Variants in SHLD1 observed in about 807,000 individuals in gnomAD.
SHLD1 encodes the protein shieldin complex subunit 1.
Under a neutral mutation model 5.5 loss-of-function variants are expected in SHLD1, and 3 were observed. The observed-to-expected ratio is 0.54, with a 90% confidence interval of 0.25 to 1.40. The LOEUF (loss-of-function observed/expected upper bound fraction) is 1.40. Among genes scored for constraint, SHLD1 ranks in the 40% most tolerant of loss-of-function variants. The pLI is 0.15. For synonymous variants in SHLD1, 92 were observed against 94.3 expected (o/e 0.98, Z 0.14); for missense variants, 210 against 244.4 (o/e 0.86, Z 0.94).
Position 5,821,626 on chromosome 20 carries a change from G to T in SHLD1, c.179-41398G>T, listed in dbSNP as rs565244666. 4.6e-5 allele frequency among the ~76,000 whole-genome samples: 7 copies of T among 150,990 alleles called. No individual in the cohort carries two copies. The South Asian group carries it at 1.5e-3, about 31-fold the overall frequency. ...CAAATTTCTGGAAAACTCAAACATCGATCATATCAGAGTTTCTGAGGATCA... is the reference window on the plus strand; with the variant it reads ...CAAATTTCTGGAAAACTCAAACATCTATCATATCAGAGTTTCTGAGGATCA... On this transcript the variant is annotated intron_variant, in intron 2 of 2. Coordinates refer to ENST00000303142, the MANE Select transcript of SHLD1 (RefSeq NM_152504.4).
Position 5,864,076 on chromosome 20 carries a change from A to G in SHLD1, c.*613A>G, listed in dbSNP as rs754588726. 3.9e-5 allele frequency among the ~76,000 whole-genome samples: 6 copies of G among 152,218 alleles called. No homozygotes were observed. Among genetic ancestry groups the G allele is most frequent in the Non-Finnish European group, 8.8e-5 (6 of 68,042 alleles). On this transcript the variant is annotated 3_prime_UTR_variant, in exon 3 of 3. Transcript: ENST00000303142. ...TCATTGAGAATACATGTCCTAAAAT[A>G]ATATAAAGATTGAAATACAGTTGAG...
At chr20:5,862,422 C>T (rs1427928984) in intron 2 of SHLD1, among the ~76,000 whole-genome samples, 1 of 152,194 alleles carries the variant, frequency 6.6e-6, no homozygotes, top group Non-Finnish European at 1.5e-5. Flanking sequence ...TGAGAACCTA[C>T]CAAGGAAAAC....
At chr20:5,844,801 T>TATATA (rs1568529085) in intron 2 of SHLD1, among the ~76,000 whole-genome samples, 5 of 121,036 alleles carry the variant, frequency 4.1e-5, no homozygotes, top group East Asian at 3.2e-4. Context: ...ATATATATAT[T>TATATA]TTTTTTTTTT....
intron 1 of SHLD1, among the ~76,000 whole-genome samples, chr20:5,765,722 G>C (rs907321889): frequency 1.4e-5 from 2 of 142,980 alleles, no homozygotes; most frequent in Non-Finnish European, 3.0e-5. Context: ...TTTTACTTCC[G>C]TACAAATTCA....
chr20:5,754,812 T>C (rs1983971577), intron 1 of SHLD1, among the ~76,000 whole-genome samples: 1 of 152,126 alleles, frequency 6.6e-6, no homozygotes, highest in East Asian at 1.9e-4. Context: ...TGCCAGCACT[T>C]TGGGAGGCCG....
chr20:5,782,337 A>G (rs4815854), intron 2 of SHLD1, among the ~76,000 whole-genome samples: 87,779 of 152,010 alleles, frequency 0.58, 25,799 homozygotes, highest in African/African-American at 0.69. Context: ...ATGTACTGCT[A>G]GAGCTTGATA....
intron 1 of SHLD1, among the ~76,000 whole-genome samples, chr20:5,763,124 C>T (rs1984567914): frequency 2.0e-5 from 3 of 151,730 alleles, no homozygotes; most frequent in African/African-American, 2.4e-5. Flanking sequence ...CTGACCAACA[C>T]GCAGAAACCC....
chr20:5,778,778 C>T (rs1227855643), intron 2 of SHLD1, among the ~76,000 whole-genome samples: 16 of 152,136 alleles, frequency 1.1e-4, no homozygotes, highest in Admixed American at 7.2e-4. Flanking sequence ...CAGAAATAAA[C>T]GTGCTCAGGT....
chr20:5,754,573 A>G (rs1361087754), intron 1 of SHLD1, among the ~76,000 whole-genome samples: 4 of 152,198 alleles, frequency 2.6e-5, no homozygotes, highest in East Asian at 3.8e-4. Context: ...ATGAGTGACC[A>G]TGGCCCGTAA....
intron 2 of SHLD1, among the ~76,000 whole-genome samples, chr20:5,797,906 A>G (rs2087234959): frequency 6.6e-6 from 1 of 152,148 alleles, no homozygotes; most frequent in Non-Finnish European, 1.5e-5. Context: ...GTTCTCTGTC[A>G]TCAACAGCAG....
intron 2 of SHLD1, among the ~76,000 whole-genome samples, chr20:5,836,870 A>G (rs1445579825): frequency 6.6e-6 from 1 of 152,246 alleles, no homozygotes; most frequent in Non-Finnish European, 1.5e-5. Flanking sequence ...CTATTACAAA[A>G]TATAGAGACC....
chr20:5,802,483 G>T (rs73894050), intron 2 of SHLD1, among the ~76,000 whole-genome samples: 7,636 of 152,140 alleles, frequency 0.05, 263 homozygotes, highest in African/African-American at 0.091. Context: ...AAGGTACTAG[G>T]GTTAGTATGA....
rs79023369 is a variant in SHLD1, at chr20:5,753,101, C to T, written c.-5+2622C>T. On this transcript the variant is annotated intron_variant, in intron 1 of 2. Transcript: ENST00000303142. ...GGCATGAGCCACCGCACCTGGCCGA[C>T]ATAAAATATTTTTATTTCATTCAGG... is the stretch of plus-strand genomic sequence containing the variant. 7.9e-3 allele frequency among the ~76,000 whole-genome samples: 1,204 copies of T among 152,140 alleles called. 8 individuals carry two copies. Among genetic ancestry groups the T allele is most frequent in the Middle Eastern group, 0.024 (7 of 294 alleles).
intron 2 of SHLD1, among the ~76,000 whole-genome samples, chr20:5,814,148 G>C (rs1465712543): frequency 6.6e-6 from 1 of 151,412 alleles, no homozygotes; most frequent in African/African-American, 2.4e-5. Flanking sequence ...TAGAGATGGG[G>C]TTTCTCCATG....
chr20:5,851,397 G>T (rs2088006956), intron 2 of SHLD1, among the ~76,000 whole-genome samples: 2 of 151,892 alleles, frequency 1.3e-5, no homozygotes, highest in African/African-American at 4.8e-5. Context: ...AGGCTGAGGT[G>T]GGAGGATCCC....
At chr20:5,862,901 C>T in intron 2 of SHLD1, 123 bp from the exon 3 acceptor site, 1 of 826,842 alleles carries the variant, frequency 1.2e-6, no homozygotes, top group East Asian at 2.6e-5. Context: ...CTGATATTTC[C>T]CATTGCCAGT....
chr20:5,754,825 G>A (rs1035375710), intron 1 of SHLD1, among the ~76,000 whole-genome samples: 3 of 152,172 alleles, frequency 2.0e-5, no homozygotes, highest in East Asian at 1.9e-4. Context: ...GGAGGCCGAC[G>A]CGGGCGGATC....
chr20:5,772,891 G>T lies in SHLD1; in HGVS notation c.26G>T (p.Gly9Val). The T allele has an allele frequency of 6.2e-7, 1 of 1,613,260 alleles. No homozygotes were observed. The highest frequency in any genetic ancestry group is 8.5e-7 in the Non-Finnish European group (1 of 1,179,542). The part of the protein sequence containing the change: MAARDATS[G>V]SLSEESSALD... ...ATGGCAGCCAGGGACGCCACTTCAGGCAGCCTGTCAGAGGAGAGCAGTGCT... is the reference window on the plus strand; with the variant it reads ...ATGGCAGCCAGGGACGCCACTTCAGTCAGCCTGTCAGAGGAGAGCAGTGCT... Residue 9 changes from glycine to valine, a missense_variant, in exon 2 of 3, where the codon GGC becomes GTC. By Grantham distance (109) the Gly-to-Val change is moderately radical (BLOSUM62 -3). Coordinates refer to ENST00000303142, the MANE Select transcript of SHLD1 (RefSeq NM_152504.4).
At chr20:5,852,011 A>G (rs1015277362) in intron 2 of SHLD1, among the ~76,000 whole-genome samples, 1 of 150,654 alleles carries the variant, frequency 6.6e-6, no homozygotes, top group Non-Finnish European at 1.5e-5. Context: ...CTCACACCCC[A>G]CTCTCTCTCT....
Sources: allele counts gnomAD v4.1 joint callset (sites outside exome capture counted in the v4.1 genomes callset), GRCh38; gene constraint gnomAD v4.1.1; transcripts MANE v1.5; gene names NCBI Gene and HGNC (gene_info 2026-07-23, HGNC 2026-07-21).